NDE1: variants seen among roughly 807,000 people sequenced by gnomAD.
The protein encoded by NDE1 is nuclear distribution protein nudE homolog 1.
A neutral mutation model predicts 43.4 loss-of-function variants in NDE1; 28 were observed. That is an observed-to-expected ratio of 0.65 (90% CI 0.48 to 0.89). The LOEUF (loss-of-function observed/expected upper bound fraction) is 0.89. NDE1 is among the 40% of genes least tolerant of loss of function. The pLI, the probability that NDE1 is intolerant of heterozygous loss-of-function variation, is 0.00. For synonymous variants in NDE1, 184 were observed against 172.0 expected (o/e 1.07, Z -0.55); for missense variants, 441 against 434.1 (o/e 1.02, Z -0.14).
At chr16:15,659,906 G>A (rs1445212801) in intron 1 of NDE1, among the ~76,000 whole-genome samples, 1 of 151,576 alleles carries the variant, frequency 6.6e-6, no homozygotes, top group Non-Finnish European at 1.5e-5. Flanking sequence ...CTGCCACTGC[G>A]CCCGCCTAAT....
chr16:15,709,858 AG>A (rs1332402519), intron 8 of NDE1, among the ~76,000 whole-genome samples: 1 of 152,146 alleles, frequency 6.6e-6, no homozygotes, highest in African/African-American at 2.4e-5. Context: ...GGAGAGGTGG[AG>A]GCCTTGTACA....
At chr16:15,659,591 C>G (rs1403748118) in intron 1 of NDE1, among the ~76,000 whole-genome samples, 3 of 151,098 alleles carry the variant, frequency 2.0e-5, no homozygotes, top group Non-Finnish European at 2.9e-5. Flanking sequence ...CGCACACCAC[C>G]ATGCCCGGCT....
chr16:15,696,778 C>T lies in NDE1; in HGVS notation c.865C>T (p.Pro289Ser), dbSNP rs554660899. The T allele has an allele frequency of 4.2e-5, 68 of 1,614,214 alleles. No homozygotes were observed. In the South Asian group the frequency reaches 7.5e-4, roughly 18 times the overall value. ...YDQSPNRTGG[P>S]ASGRSSKNRD... ...TCAGTCCCCAAACCGAACAGGTGGCCCAGCCTCTGGGCGGAGCAGCAAGAA... is the reference window on the plus strand; with the variant it reads ...TCAGTCCCCAAACCGAACAGGTGGCTCAGCCTCTGGGCGGAGCAGCAAGAA... The change falls in exon 8 of 9, where the codon CCA (proline) becomes TCA (serine). Residue 289 changes from proline (P) to serine (S), a missense_variant. Coordinates refer to ENST00000396354, the MANE Select transcript of NDE1 (RefSeq NM_017668.3).
At chr16:15,645,844 G>A (rs1190752042), upstream of NDE1, among the ~76,000 whole-genome samples, 1 of 152,138 alleles carries the variant, frequency 6.6e-6, no homozygotes, top group African/African-American at 2.4e-5. Flanking sequence ...TAACCAAGCT[G>A]TTATTAAAGG....
rs115951037 is a variant in NDE1, at chr16:15,685,412, G to A, written c.387-1963G>A. On this transcript the variant is annotated intron_variant, in intron 4 of 8. Transcript: ENST00000396354. ...GGGACTACAGGCACGCATCATGCAC[G>A]GCTAATTTTTTTACTTTTTGTAGAG... Among the ~76,000 whole-genome samples, 1,206 of 151,986 alleles carry A rather than the reference G, an allele frequency of 7.9e-3. 20 individuals carry two copies. Among genetic ancestry groups the A allele is most frequent in the African/African-American group, 0.028 (1,172 of 41,456 alleles).
At chr16:15,650,614 C>G (rs866448840) in intron 1 of NDE1, among the ~76,000 whole-genome samples, 2 of 152,254 alleles carry the variant, frequency 1.3e-5, no homozygotes, top group Non-Finnish European at 2.9e-5. Flanking sequence ...TCTCCCACCC[C>G]GTTGCCCTCT....
At chr16:15,715,185 C>T (rs1428983692) in intron 8 of NDE1, 2 of 1,613,958 alleles carry the variant, frequency 1.2e-6, no homozygotes, top group Non-Finnish European at 1.7e-6. Flanking sequence ...ACTGCTCGGC[C>T]ATCTTGCGCT....
chr16:15,678,764 A>T (rs548211512), intron 4 of NDE1, among the ~76,000 whole-genome samples: 3 of 152,172 alleles, frequency 2.0e-5, no homozygotes, highest in Non-Finnish European at 4.4e-5. Flanking sequence ...AAATTTATAT[A>T]TGAATTATAT....
chr16:15,712,107 A>C (rs1299515642), intron 8 of NDE1, among the ~76,000 whole-genome samples: 1 of 152,180 alleles, frequency 6.6e-6, no homozygotes, highest in East Asian at 1.9e-4. Context: ...ATTGTTGGCA[A>C]CTTCATCATT....
chr16:15,704,922 T>TGGA (rs1470050025), intron 8 of NDE1, among the ~76,000 whole-genome samples: 7 of 151,926 alleles, frequency 4.6e-5, no homozygotes, highest in African/African-American at 1.7e-4. Context: ...CAAGCAGTTC[T>TGGA]CCTACCTTGG....
chr16:15,676,537 G>T (rs1488566320), intron 3 of NDE1, among the ~76,000 whole-genome samples: 1 of 152,032 alleles, frequency 6.6e-6, no homozygotes, highest in Non-Finnish European at 1.5e-5. Flanking sequence ...AAATAACCTA[G>T]AGATCAAACT....
chr16:15,695,132 T>C (rs1567658445), intron 7 of NDE1, among the ~76,000 whole-genome samples: 3 of 149,982 alleles, frequency 2.0e-5, no homozygotes, highest in Admixed American at 6.7e-5. Context: ...CTGAGTGAGC[T>C]GAGATTCCAA....
intron 7 of NDE1, chr16:15,695,817 G>C (rs1455014546): frequency 3.4e-6 from 2 of 592,892 alleles, no homozygotes; most frequent in African/African-American, 4.0e-5. Flanking sequence ...GGAGTATAGA[G>C]AAGCCTGGGG....
intron 4 of NDE1, 81 bp from the exon 5 acceptor site, chr16:15,687,294 C>G (rs765002405): frequency 6.8e-6 from 11 of 1,608,466 alleles, no homozygotes; most frequent in Middle Eastern, 1.6e-4. Context: ...TGTGTCTGAC[C>G]CTTCGCACCT....
chr16:15,647,040 ACT>A (rs1331182439), upstream of NDE1, among the ~76,000 whole-genome samples: 1 of 152,176 alleles, frequency 6.6e-6, no homozygotes, highest in African/African-American at 2.4e-5. Flanking sequence ...ACAGAGTGAA[ACT>A]CTGTCTCGAA....
intron 3 of NDE1, among the ~76,000 whole-genome samples, chr16:15,673,081 G>C (rs1286506802): frequency 6.6e-6 from 1 of 152,188 alleles, no homozygotes; most frequent in Non-Finnish European, 1.5e-5. Context: ...GGACTTTCTA[G>C]CAACGGCTTT....
intron 3 of NDE1, among the ~76,000 whole-genome samples, chr16:15,674,553 T>G (rs2037768998): frequency 6.6e-6 from 1 of 152,130 alleles, no homozygotes; most frequent in East Asian, 1.9e-4. Context: ...CCGGCCTGTC[T>G]TTGTTTTTAA....
At chr16:15,677,511 G>A (rs1403899641) in intron 3 of NDE1, among the ~76,000 whole-genome samples, 3 of 151,902 alleles carry the variant, frequency 2.0e-5, no homozygotes, top group Non-Finnish European at 4.4e-5. Context: ...GCTTGAACCT[G>A]GGAGGCAGAG....
At position 15,724,618 on chromosome 16, in the gene NDE1, T is replaced by A. The variant is rs138543179; in HGVS notation, c.*367T>A. The A allele has an allele frequency of 6.2e-7, 1 of 1,613,300 alleles. No individual in the cohort carries two copies. The highest frequency in any genetic ancestry group is 1.3e-5 in the African/African-American group (1 of 75,012). On this transcript the variant is annotated 3_prime_UTR_variant, in exon 9 of 9. Transcript: ENST00000396354. ...AGCGCAGAGAAGTTGAGAGGACCCA[T>A]GAAGGAAGCAAGGACACGGGGCAGG...
Sources: allele counts gnomAD v4.1 joint callset (sites outside exome capture counted in the v4.1 genomes callset), GRCh38; gene constraint gnomAD v4.1.1; transcripts MANE v1.5; gene names NCBI Gene and HGNC (gene_info 2026-07-23, HGNC 2026-07-21).